Variants in TMEM67 observed in about 807,000 individuals in gnomAD.
TMEM67 encodes transmembrane protein 67, also known as meckelin.
Under a neutral mutation model 136.6 loss-of-function variants are expected in TMEM67, and 124 were observed. The ratio of observed to expected loss-of-function variants is 0.91; its 90% confidence interval spans 0.78 to 1.05. The LOEUF is 1.05. TMEM67 is among the 50% of genes least tolerant of loss of function. The pLI, the probability that TMEM67 is intolerant of heterozygous loss-of-function variation, is 0.00. For synonymous variants in TMEM67, 364 were observed against 390.5 expected (o/e 0.93, Z 0.80); for missense variants, 1,107 against 1,178.4 (o/e 0.94, Z 0.89).
chr8:93,815,173 G>A, intron 26 of TMEM67, 132 bp from the exon 27 acceptor site: 1 of 538,970 alleles, frequency 1.9e-6, no homozygotes, highest in South Asian at 3.4e-5. Context: ...TTTTGTGTAA[G>A]CCATGAAGTA....
At chr8:93,812,663 T>TTA (rs751674217) in intron 26 of TMEM67, among the ~76,000 whole-genome samples, 1 of 152,242 alleles carries the variant, frequency 6.6e-6, no homozygotes, top group Non-Finnish European at 1.5e-5. Flanking sequence ...TGTGGGGTTA[T>TTA]TATGTGTTAA....
chr8:93,765,692 A>T (rs372373694), intron 6 of TMEM67, 46 bp downstream of exon 6: 3 of 1,269,108 alleles, frequency 2.4e-6, no homozygotes, highest in Non-Finnish European at 3.5e-6. Flanking sequence ...AAAACTTTCT[A>T]CATTTCATCC....
At chr8:93,806,793 A>G (rs1041263715) in intron 23 of TMEM67, among the ~76,000 whole-genome samples, 7 of 152,152 alleles carry the variant, frequency 4.6e-5, no homozygotes, top group Non-Finnish European at 8.8e-5. Flanking sequence ...AGAAAAGAAT[A>G]TTTCAGACTG....
At position 93,762,839 on chromosome 8, in the gene TMEM67, A is replaced by G. The variant is rs1428618537; in HGVS notation, c.407-1003A>G. ...GGAAACATAAGTGGTATGTTTGCATAAATGTTTCATACACAAATATTGTTC... is the reference window on the plus strand; with the variant it reads ...GGAAACATAAGTGGTATGTTTGCATGAATGTTTCATACACAAATATTGTTC... On this transcript the variant is annotated intron_variant, in intron 3 of 27. Transcript: ENST00000453321. The G allele has an allele frequency of 9.4e-6, 3 of 319,400 alleles. No individual in the cohort carries two copies. In the East Asian group the frequency reaches 2.9e-4, roughly 31 times the overall value. 19.8% of individuals were successfully genotyped at this position (319,400 alleles called of 1,614,324 possible).
chr8:93,803,029 T>C (rs1156945438), intron 21 of TMEM67, among the ~76,000 whole-genome samples: 1 of 152,092 alleles, frequency 6.6e-6, no homozygotes, highest in Non-Finnish European at 1.5e-5. Context: ...AGTTAGGAAG[T>C]TTTATCTTTT....
chr8:93,772,471 C>T, intron 6 of TMEM67, 118 bp from the exon 7 acceptor site: 2 of 749,180 alleles, frequency 2.7e-6, no homozygotes, highest in South Asian at 3.2e-5. Flanking sequence ...TCTTGTATTC[C>T]TATTAGTAAC....
At chr8:93,782,371 A>C (rs1813876444) in intron 10 of TMEM67, 24 bp from the exon 11 acceptor site, 1 of 1,583,848 alleles carries the variant, frequency 6.3e-7, no homozygotes. Flanking sequence ...TGTGAGATTT[A>C]TCTGTTGTAT....
chr8:93,818,899 C>G, downstream of TMEM67: 1 of 344,662 alleles, frequency 2.9e-6, no homozygotes, highest in Non-Finnish European at 5.6e-6. Flanking sequence ...GCCTCCTAGG[C>G]TCAAGCAGTC....
At chr8:93,806,091 A>G (rs1187744657) in intron 23 of TMEM67, among the ~76,000 whole-genome samples, 1 of 152,232 alleles carries the variant, frequency 6.6e-6, no homozygotes, top group Non-Finnish European at 1.5e-5. Context: ...GTAATTAGCC[A>G]GGTCTGGAGT....
At chr8:93,795,841 A>C in intron 17 of TMEM67, 60 bp from the exon 18 acceptor site, 1 of 1,351,002 alleles carries the variant, frequency 7.4e-7, no homozygotes, top group Non-Finnish European at 1.0e-6. Context: ...AACAAAAAAC[A>C]AACAAACAAA....
chr8:93,803,435 C>T (rs900783220), intron 21 of TMEM67, among the ~76,000 whole-genome samples, 169 bp from the exon 22 acceptor site: 11 of 152,210 alleles, frequency 7.2e-5, no homozygotes, highest in Non-Finnish European at 1.5e-4. Context: ...ATCCTCCTCC[C>T]TTTGACAGAA....
At chr8:93,792,383 A>C (rs1459917238) in intron 15 of TMEM67, among the ~76,000 whole-genome samples, 1 of 152,046 alleles carries the variant, frequency 6.6e-6, no homozygotes, top group Non-Finnish European at 1.5e-5. Flanking sequence ...CATATTGGCC[A>C]GACTGGTCTC....
downstream of TMEM67, among the ~76,000 whole-genome samples, chr8:93,822,583 G>A (rs1050114915): frequency 1.3e-5 from 2 of 152,164 alleles, no homozygotes; most frequent in South Asian, 2.1e-4. Context: ...CTCACAGGAC[G>A]GCGGAGGCAA....
In TMEM67 at chr8:93,765,662, T is replaced by C. The variant is rs759981080; in HGVS notation, c.651+16T>C. ...TGGAGAAGTTGTGAGTATGTTTCAATTTTTTTGTTCTGTTGTTAAAAAACT... is the reference window on the plus strand; with the variant it reads ...TGGAGAAGTTGTGAGTATGTTTCAACTTTTTTGTTCTGTTGTTAAAAAACT... On this transcript the variant is annotated intron_variant, in intron 6 of 27. Transcript: ENST00000453321. The C allele has an allele frequency of 1.3e-6, 2 of 1,583,346 alleles. No individual in the cohort carries two copies. The highest frequency in any genetic ancestry group is 3.3e-5 in the Admixed American group (2 of 59,960).
intron 6 of TMEM67, among the ~76,000 whole-genome samples, chr8:93,767,400 T>A (rs1053355501): frequency 6.6e-6 from 1 of 152,242 alleles, no homozygotes; most frequent in Non-Finnish European, 1.5e-5. Flanking sequence ...GGAGTATTTC[T>A]GAGATTACAC....
rs763385517 is a variant in TMEM67, at chr8:93,785,234, A to G, written c.1144A>G (p.Ile382Val). 1.1e-5 allele frequency: 17 copies of G among 1,582,486 alleles called. No individual in the cohort carries two copies. The highest frequency in any genetic ancestry group is 1.4e-5 in the Non-Finnish European group (16 of 1,152,922). The change falls in exon 12 of 28, where the codon ATC becomes GTC. Residue 382 changes from isoleucine (I) to valine (V), a missense_variant. Physicochemically the swap from Ile to Val is conservative, Grantham distance 29. Around this residue, in one of 3 missense-constraint regions of TMEM67, gnomAD observed 925 missense variants for 1,002.4 expected, o/e 0.92. Coordinates refer to ENST00000453321, the MANE Select transcript of TMEM67 (RefSeq NM_153704.6). The part of the protein sequence containing the change: ...TTYQQNCEIP[I>V]SKILIDFPTP... ...TTTTACTTTTCAGTGTGAGATTCCTATCTCTAAGATCTTAATTGACTTTCC... is the reference window on the plus strand; with the variant it reads ...TTTTACTTTTCAGTGTGAGATTCCTGTCTCTAAGATCTTAATTGACTTTCC...
At chr8:93,809,202 C>A in intron 25 of TMEM67, 41 bp downstream of exon 25, 1 of 1,231,418 alleles carries the variant, frequency 8.1e-7, no homozygotes, top group Non-Finnish European at 1.2e-6. Flanking sequence ...GGATCAAATG[C>A]AATTTTTAAA....
intron 26 of TMEM67, among the ~76,000 whole-genome samples, chr8:93,812,858 T>C (rs972036665): frequency 1.3e-5 from 2 of 151,286 alleles, no homozygotes; most frequent in African/African-American, 4.9e-5. Context: ...TGCCTCAGCC[T>C]CCCAGGTGCT....
chr8:93,755,003 T>A lies in TMEM67; in HGVS notation c.89T>A (p.Leu30His). The A allele has an allele frequency of 6.2e-7, 1 of 1,614,182 alleles. No homozygotes were observed. Among genetic ancestry groups the A allele is most frequent in the Non-Finnish European group, 8.5e-7 (1 of 1,180,028 alleles). Residue 30 changes from leucine (L) to histidine (H), a missense_variant, in exon 1 of 28, where the codon CTC (leucine) becomes CAC (histidine). Physicochemically the swap from Leu to His is moderately conservative, Grantham distance 99 (BLOSUM62 -3). Around this residue, in one of 3 missense-constraint regions of TMEM67, gnomAD observed 178 missense variants for 159.2 expected, o/e 1.12. Transcript: ENST00000453321. ...GTGACCGCGTTCCTTCTGTTGTTCC[T>A]CCCTCGCTTCTTACAGGCCCAGACC... is the stretch of plus-strand genomic sequence containing the variant. ...RAVTAFLLLF[L>H]PRFLQAQTFS...
Sources: allele counts gnomAD v4.1 joint callset (sites outside exome capture counted in the v4.1 genomes callset), GRCh38; gene constraint gnomAD v4.1.1; regional missense constraint gnomAD v4.1.1; transcripts MANE v1.5; gene names NCBI Gene and HGNC (gene_info 2026-07-23, HGNC 2026-07-21).